Variants in PTGER3 observed in about 807,000 individuals in gnomAD.
PTGER3 encodes the protein prostaglandin E receptor 3.
Under a neutral mutation model 34.7 loss-of-function variants are expected in PTGER3, and 22 were observed. The ratio of observed to expected loss-of-function variants is 0.63; its 90% confidence interval spans 0.45 to 0.91. PTGER3 has a LOEUF of 0.91. Among genes scored for constraint, PTGER3 ranks in the 40% least tolerant of loss-of-function variants. The pLI is 0.00. For missense variants in PTGER3, 468 were observed against 519.4 expected (o/e 0.90, Z 0.96); for synonymous variants, 241 against 230.1 (o/e 1.05, Z -0.43).
chr1:70,901,344 G>C (rs1254277480), intron 4 of PTGER3, among the ~76,000 whole-genome samples: 4 of 152,194 alleles, frequency 2.6e-5, no homozygotes, highest in Admixed American at 6.5e-5. Context: ...CAGGAATTGT[G>C]AAATATGTTG....
At chr1:70,988,521 C>T (rs557885110) in intron 2 of PTGER3, among the ~76,000 whole-genome samples, 12 of 152,294 alleles carry the variant, frequency 7.9e-5, no homozygotes, top group African/African-American at 2.9e-4. Flanking sequence ...GAGGCACACC[C>T]TTCTTTATTC....
At chr1:71,027,209 G>T (rs10889904) in intron 1 of PTGER3, among the ~76,000 whole-genome samples, 56,548 of 137,784 alleles carry the variant, frequency 0.41, 11,404 homozygotes, top group South Asian at 0.52. Context: ...TGTCACCGAG[G>T]CTGGAGTGCA....
At chr1:70,915,868 C>T (rs559369831) in intron 4 of PTGER3, among the ~76,000 whole-genome samples, 1 of 151,572 alleles carries the variant, frequency 6.6e-6, no homozygotes, top group Admixed American at 6.6e-5. Context: ...GCAATTGCAA[C>T]GAAAACAAAA....
chr1:71,023,354 G>A (rs1048486627), intron 1 of PTGER3, among the ~76,000 whole-genome samples: 1 of 151,644 alleles, frequency 6.6e-6, no homozygotes, highest in East Asian at 1.9e-4. Context: ...TACCTTTCTG[G>A]GTATTCCTCT....
At chr1:70,982,664 T>G (rs1415643443) in intron 2 of PTGER3, among the ~76,000 whole-genome samples, 1 of 152,168 alleles carries the variant, frequency 6.6e-6, no homozygotes, top group African/African-American at 2.4e-5. Flanking sequence ...ATCATTCCTC[T>G]CTGTCTCCCA....
chr1:71,016,571 G>C lies in PTGER3; in HGVS notation c.898-4087C>G, dbSNP rs533486825. 3.3e-5 allele frequency among the ~76,000 whole-genome samples: 5 copies of C among 152,118 alleles called. No homozygotes were observed. In the East Asian group the frequency reaches 9.6e-4, roughly 29 times the overall value. On this transcript the variant is annotated intron_variant, in intron 1 of 3. Coordinates refer to ENST00000306666, the MANE Select transcript of PTGER3 (RefSeq NM_198719.2). Reference sequence around the variant, plus strand: ...TAATCCCAGCACTTTGGGAGGTCGAGGCAGATGGATCCCCTGAACCCAGCA... The same window carrying C: ...TAATCCCAGCACTTTGGGAGGTCGACGCAGATGGATCCCCTGAACCCAGCA...
intron 2 of PTGER3, chr1:71,009,936 A>T: frequency 1.0e-6 from 1 of 985,174 alleles, no homozygotes; most frequent in Non-Finnish European, 1.2e-6. Context: ...ATCATTTGGG[A>T]TTTTCATTTC....
intron 2 of PTGER3, among the ~76,000 whole-genome samples, chr1:70,988,125 C>T (rs1655093134): frequency 6.6e-6 from 1 of 152,120 alleles, no homozygotes; most frequent in African/African-American, 2.4e-5. Context: ...TGTTTAAAAA[C>T]TCAGTTGTTT....
exon 5 of PTGER3, chr1:70,852,636 T>G (rs758733073): frequency 6.3e-6 from 4 of 637,438 alleles, no homozygotes; most frequent in Non-Finnish European, 1.1e-5. Context: ...TTAATTGATG[T>G]ATGTAGATAT....
At chr1:70,923,888 C>T (rs1647792433) in intron 4 of PTGER3, among the ~76,000 whole-genome samples, 1 of 152,140 alleles carries the variant, frequency 6.6e-6, no homozygotes, top group Non-Finnish European at 1.5e-5. Context: ...TGCAACGGGA[C>T]ACAATTGGAG....
intron 4 of PTGER3, among the ~76,000 whole-genome samples, chr1:70,870,446 C>G (rs548183382): frequency 6.6e-6 from 1 of 152,362 alleles, no homozygotes; most frequent in Admixed American, 6.5e-5. Context: ...GCAAATTTCT[C>G]TAGCAAGTGG....
chr1:70,856,387 T>A (rs115810219), intron 4 of PTGER3, among the ~76,000 whole-genome samples: 3,214 of 143,398 alleles, frequency 0.022, 111 homozygotes, highest in African/African-American at 0.079. Context: ...TTGCAGTGAG[T>A]CGATATTGCA....
At chr1:70,887,514 T>C (rs1265852667) in intron 4 of PTGER3, among the ~76,000 whole-genome samples, 2 of 152,180 alleles carry the variant, frequency 1.3e-5, no homozygotes, top group African/African-American at 4.8e-5. Context: ...TCTAAATCTA[T>C]AGTTTTTGAT....
chr1:70,863,595 T>C (rs979987464), intron 4 of PTGER3, among the ~76,000 whole-genome samples: 33 of 152,232 alleles, frequency 2.2e-4, no homozygotes, highest in African/African-American at 7.0e-4. Flanking sequence ...AAATCACTTA[T>C]GTGGCTTACA....
chr1:70,966,150 CAT>C (rs1652492870), downstream of PTGER3, among the ~76,000 whole-genome samples: 1 of 152,188 alleles, frequency 6.6e-6, no homozygotes, highest in East Asian at 1.9e-4. Flanking sequence ...CTCCTGTTCT[CAT>C]GTGTGCAAAT....
intron 4 of PTGER3, among the ~76,000 whole-genome samples, chr1:70,878,561 T>A (rs1350923976): frequency 6.6e-6 from 1 of 152,130 alleles, no homozygotes; most frequent in Non-Finnish European, 1.5e-5. Flanking sequence ...ATTGTGATGG[T>A]AGTTATTAAT....
In PTGER3 at chr1:70,982,661, C is replaced by T. The variant is rs910659734; in HGVS notation, c.1078-8273G>A. On this transcript the variant is annotated intron_variant, in intron 2 of 3. Transcript: ENST00000306666. ...TCCTGTCATGTTTCCACCATCATTC[C>T]TCTCTGTCTCCCACTCCATATTTGC... 4.8e-4 allele frequency among the ~76,000 whole-genome samples: 73 copies of T among 152,262 alleles called. 1 individual carries two copies. Among genetic ancestry groups the T allele is most frequent in the African/African-American group, 1.7e-3 (69 of 41,548 alleles).
intron 2 of PTGER3, among the ~76,000 whole-genome samples, chr1:70,995,755 A>T (rs763921778): frequency 6.6e-6 from 1 of 152,168 alleles, no homozygotes; most frequent in Non-Finnish European, 1.5e-5. Flanking sequence ...GAAAGTACAA[A>T]ATACTTTTAT....
intron 1 of PTGER3, among the ~76,000 whole-genome samples, chr1:71,032,722 C>A (rs972811268): frequency 6.6e-6 from 1 of 152,170 alleles, no homozygotes; most frequent in Non-Finnish European, 1.5e-5. Flanking sequence ...TCAAGCAACT[C>A]CCCCTACCTT....
Sources: gnomAD v4.1 joint callset for allele counts (sites outside exome capture counted in the v4.1 genomes callset) on GRCh38, gnomAD v4.1.1 for gene constraint, MANE v1.5 for transcripts, NCBI Gene and HGNC (gene_info 2026-07-23, HGNC 2026-07-21) for gene names.